The following NPNT variants were observed in gnomAD, a reference collection of about 807,000 sequenced individuals.
The protein encoded by NPNT is preosteoblast EGF-like repeat protein with MAM domain.
NPNT carries 45 observed loss-of-function variants against 68.6 expected under a neutral mutation model. That is an observed-to-expected ratio of 0.66 (90% CI 0.52 to 0.84). The LOEUF (loss-of-function observed/expected upper bound fraction) is 0.84, where lower values mean the gene tolerates loss of function less well. Ranked by LOEUF, NPNT falls within the 40% of genes least tolerant of loss-of-function variation. The pLI is 0.00. For synonymous variants in NPNT, 233 were observed against 253.3 expected (o/e 0.92, Z 0.76); for missense variants, 672 against 714.8 (o/e 0.94, Z 0.68).
At chr4:105,960,100 G>A (rs577526566) in intron 10 of NPNT, among the ~76,000 whole-genome samples, 213 of 152,258 alleles carry the variant, frequency 1.4e-3, no homozygotes, top group Admixed American at 4.3e-3. Flanking sequence ...GTGAGCCACC[G>A]CGCCCAGCCA....
intron 10 of NPNT, among the ~76,000 whole-genome samples, chr4:105,962,050 T>C (rs1221733121): frequency 6.6e-6 from 1 of 152,094 alleles, no homozygotes; most frequent in African/African-American, 2.4e-5. Context: ...ACCTGACATA[T>C]CACTAAGGGT....
chr4:105,924,598 G>A (rs1004342995), intron 2 of NPNT, among the ~76,000 whole-genome samples: 2 of 152,084 alleles, frequency 1.3e-5, no homozygotes, highest in African/African-American at 4.8e-5. Flanking sequence ...TTGGCCTGTT[G>A]GAATGTGTGC....
At chr4:105,912,746 G>A (rs1304351600) in intron 2 of NPNT, 1 of 170,842 alleles carries the variant, frequency 5.9e-6, no homozygotes, top group African/African-American at 2.4e-5. Context: ...AGGGTTCCTT[G>A]TTTAAGATAT....
intron 3 of NPNT, among the ~76,000 whole-genome samples, chr4:105,930,986 A>C (rs1002933379): frequency 1.3e-5 from 2 of 152,198 alleles, no homozygotes; most frequent in South Asian, 4.1e-4. Context: ...GCTTGGGCTG[A>C]TCATTAACAT....
intron 3 of NPNT, among the ~76,000 whole-genome samples, chr4:105,931,060 A>G (rs1729066402): frequency 1.3e-5 from 2 of 152,322 alleles, no homozygotes; most frequent in Non-Finnish European, 2.9e-5. Context: ...GAATTCTGGC[A>G]AGATTCTTTG....
Position 105,930,160 on chromosome 4 carries a change from C to T in NPNT, c.265+2732C>T, listed in dbSNP as rs148277100. ...TCACAAAAAAGCAGTGTGGCAGGTT[C>T]CTGATGGCAAGGTTTATGCTCCTTG... On this transcript the variant is annotated intron_variant, in intron 3 of 11. Transcript: ENST00000379987. Among the ~76,000 whole-genome samples the T allele has an allele frequency of 3.5e-3, 526 of 152,250 alleles. 4 individuals carry two copies. Among genetic ancestry groups the T allele is most frequent in the African/African-American group, 0.012 (507 of 41,536 alleles).
rs1345376910 is a variant in NPNT, at chr4:105,969,823, A to AT, written c.*842dup. On this transcript the variant is annotated 3_prime_UTR_variant, in exon 12 of 12. Transcript: ENST00000379987. The stretch of plus-strand genomic sequence containing the variant: ...TTGGGTTGTGGTAACGGAGTGATGA[A>AT]TTTTTTTTTAATGGCCTTGAGTTTG... 17 of 151,498 alleles carry AT rather than the reference A, an allele frequency of 1.1e-4. 1 individual carries two copies. In the East Asian group the frequency reaches 1.9e-3, roughly 17 times the overall value. 9.4% of individuals were successfully genotyped at this position (151,498 alleles called of 1,614,324 possible). A position where few individuals can be genotyped will look rare whatever the true frequency, so the allele number is the denominator to read the frequency against.
intron 8 of NPNT, among the ~76,000 whole-genome samples, chr4:105,948,191 T>G (rs1361404144): frequency 6.6e-6 from 1 of 152,168 alleles, no homozygotes; most frequent in Non-Finnish European, 1.5e-5. Context: ...TCTAATATAC[T>G]TCTAAATTTT....
chr4:105,966,425 T>C (rs1387101407), intron 10 of NPNT, among the ~76,000 whole-genome samples: 1 of 152,130 alleles, frequency 6.6e-6, no homozygotes, highest in Non-Finnish European at 1.5e-5. Flanking sequence ...CTATCTAAAG[T>C]GAAAGTTTTT....
chr4:105,922,980 C>T (rs1024284151), intron 2 of NPNT, among the ~76,000 whole-genome samples: 3 of 152,196 alleles, frequency 2.0e-5, no homozygotes, highest in Non-Finnish European at 2.9e-5. Context: ...CTGATCCACA[C>T]GAAGGTCAGA....
intron 2 of NPNT, 82 bp from the exon 3 acceptor site, chr4:105,927,254 A>G (rs1176743819): frequency 1.9e-5 from 16 of 825,220 alleles, no homozygotes; most frequent in Non-Finnish European, 3.1e-5. Context: ...TTCTTTTATT[A>G]TTAAACTAGT....
In NPNT at chr4:105,913,530, G is replaced by T. The variant is rs1578595406; in HGVS notation, c.173-13806G>T. ...GTAATCTTTAAATCTAACTTTGCAA[G>T]ATTCTTACTGGTTATAAGGAGGTGG... On this transcript the variant is annotated intron_variant, in intron 2 of 11. Coordinates refer to ENST00000379987, the MANE Select transcript of NPNT (RefSeq NM_001033047.3). Among the ~76,000 whole-genome samples the T allele has an allele frequency of 3.3e-5, 5 of 152,298 alleles. 1 individual carries two copies. The South Asian group carries it at 1.0e-3, about 32-fold the overall frequency.
At chr4:105,903,783 CTTTTT>C (rs746122761) in intron 2 of NPNT, among the ~76,000 whole-genome samples, 1 of 126,980 alleles carries the variant, frequency 7.9e-6, no homozygotes. Context: ...GACCTTCTTA[CTTTTT>C]TTTTTTTTTT....
At chr4:105,943,481 G>T (rs1407314088) in intron 8 of NPNT, among the ~76,000 whole-genome samples, 1 of 152,146 alleles carries the variant, frequency 6.6e-6, no homozygotes, top group African/African-American at 2.4e-5. Context: ...ACCTACACTG[G>T]GGCTGGATTA....
intron 2 of NPNT, among the ~76,000 whole-genome samples, chr4:105,907,640 G>GA (rs1322322500): frequency 8.6e-5 from 13 of 152,034 alleles, no homozygotes; most frequent in African/African-American, 3.1e-4. Flanking sequence ...TACAACCATA[G>GA]AAAAATACTA....
intron 10 of NPNT, among the ~76,000 whole-genome samples, chr4:105,962,851 A>G (rs1049529542): frequency 6.0e-5 from 9 of 149,664 alleles, no homozygotes; most frequent in African/African-American, 2.0e-4. Context: ...GATGGAGTGT[A>G]TGTGTGTGTG....
At chr4:105,959,352 G>A (rs1309179333) in intron 10 of NPNT, among the ~76,000 whole-genome samples, 1 of 152,074 alleles carries the variant, frequency 6.6e-6, no homozygotes, top group African/African-American at 2.4e-5. Context: ...TAATTAAAAG[G>A]TCAACTAATT....
rs1158156420 is a variant in NPNT at position 105,946,670 on chromosome 4, C to T, written c.1159+3968C>T. On this transcript the variant is annotated intron_variant, in intron 8 of 11. Transcript: ENST00000379987. ...GGGGGTACAAGAACAGGGAGTGGGT[C>T]GCAAGATCACATGCTTCAAAGGGCA... is the stretch of plus-strand genomic sequence containing the variant. Among the ~76,000 whole-genome samples the T allele has an allele frequency of 4.6e-5, 7 of 151,950 alleles. No homozygotes were observed. In the East Asian group the frequency reaches 5.8e-4, roughly 13 times the overall value.
intron 10 of NPNT, among the ~76,000 whole-genome samples, chr4:105,965,523 C>T (rs143208239): frequency 2.6e-4 from 39 of 152,258 alleles, no homozygotes; most frequent in Admixed American, 1.0e-3. Context: ...TTGCAGGTAG[C>T]GTCTGGCAGA....
Sources: gnomAD v4.1 joint callset for allele counts (sites outside exome capture counted in the v4.1 genomes callset) on GRCh38, gnomAD v4.1.1 for gene constraint, MANE v1.5 for transcripts, NCBI Gene and HGNC (gene_info 2026-07-23, HGNC 2026-07-21) for gene names.